CUX2: variants seen among roughly 807,000 people sequenced by gnomAD.
CUX2 encodes cut like homeobox 2.
A neutral mutation model predicts 144.8 loss-of-function variants in CUX2; 40 were observed. That is an observed-to-expected ratio of 0.28 (90% CI 0.21 to 0.36). The LOEUF is 0.36. Ranked by LOEUF, CUX2 falls within the 10% of genes least tolerant of loss-of-function variation. The pLI is 1.00. For synonymous variants in CUX2, 827 were observed against 875.6 expected (o/e 0.94, Z 0.98); for missense variants, 1,615 against 1,994.0 (o/e 0.81, Z 3.62).
chr12:111,277,154 C>A lies in CUX2; in HGVS notation c.301+13315C>A, dbSNP rs888777943. 2.6e-5 allele frequency among the ~76,000 whole-genome samples: 4 copies of A among 152,068 alleles called. No individual in the cohort carries two copies. Among genetic ancestry groups the A allele is most frequent in the African/African-American group, 9.7e-5 (4 of 41,396 alleles). ...GGTTGCTGGAGTTTGAGGGATGAAG[C>A]CCAGAAACTCACATATGGAGGGCCG... is the stretch of plus-strand genomic sequence containing the variant. On this transcript the variant is annotated intron_variant, in intron 4 of 21. Transcript: ENST00000261726. The surrounding 1 kb of genome is among the most constrained non-coding windows in gnomAD (Gnocchi z 5.0).
chr12:111,275,795 C>A (rs1174964585), intron 4 of CUX2, among the ~76,000 whole-genome samples: 1 of 152,194 alleles, frequency 6.6e-6, no homozygotes, highest in Non-Finnish European at 1.5e-5. Flanking sequence ...AAAGCCTCAG[C>A]CAGGTACTGG....
At chr12:111,076,051 A>G (rs532694894) in intron 1 of CUX2, among the ~76,000 whole-genome samples, 66 of 152,366 alleles carry the variant, frequency 4.3e-4, no homozygotes, top group African/African-American at 1.5e-3. Context: ...GAAGTCACAC[A>G]GCTAGTCAGT....
At chr12:111,303,221 GAAAA>G (rs5800927) in intron 9 of CUX2, among the ~76,000 whole-genome samples, 3,507 of 48,972 alleles carry the variant, frequency 0.072, 55 homozygotes, top group African/African-American at 0.093. Context: ...ACCCTGTCTC[GAAAA>G]AAAAAAAAAA....
intron 3 of CUX2, among the ~76,000 whole-genome samples, chr12:111,252,741 G>A (rs1883621898): frequency 6.6e-6 from 1 of 150,944 alleles, no homozygotes; most frequent in South Asian, 2.1e-4. Flanking sequence ...GGAGAAAAAT[G>A]TTAATGTCAT....
intron 14 of CUX2, among the ~76,000 whole-genome samples, chr12:111,308,965 T>C (rs1041102443): frequency 2.6e-4 from 39 of 151,994 alleles, no homozygotes; most frequent in African/African-American, 8.7e-4. Context: ...AGTGCAGTGG[T>C]GTGATCTCGG....
Position 111,338,493 on chromosome 12 carries a change from A to C in CUX2, c.3385+19A>C, listed in dbSNP as rs1042590334. 7 of 1,598,576 alleles carry C rather than the reference A, an allele frequency of 4.4e-6. No homozygotes were observed. In the African/African-American group the frequency reaches 5.4e-5, roughly 12 times the overall value. Reference sequence around the variant, plus strand: ...AAGAAAGGTAAGACTTGGGCAGAGGATGGGCCCCAGCACTGGGTCTCAGAT... The same window carrying C: ...AAGAAAGGTAAGACTTGGGCAGAGGCTGGGCCCCAGCACTGGGTCTCAGAT... On this transcript the variant is annotated intron_variant, in intron 20 of 21. Coordinates refer to ENST00000261726, the MANE Select transcript of CUX2 (RefSeq NM_015267.4).
chr12:111,152,546 C>G (rs1252686115), intron 1 of CUX2, among the ~76,000 whole-genome samples: 1 of 152,132 alleles, frequency 6.6e-6, no homozygotes, highest in Non-Finnish European at 1.5e-5. Flanking sequence ...CAAAATCACC[C>G]ATTTTTAAAG....
chr12:111,209,942 C>T (rs544480194), intron 1 of CUX2, among the ~76,000 whole-genome samples: 12 of 152,078 alleles, frequency 7.9e-5, no homozygotes, highest in Admixed American at 6.5e-4. Flanking sequence ...CGCCGGGCTC[C>T]GGGCTGTCTG....
intron 1 of CUX2, among the ~76,000 whole-genome samples, chr12:111,091,219 T>C (rs1872533147): frequency 6.6e-6 from 1 of 152,222 alleles, no homozygotes; most frequent in Non-Finnish European, 1.5e-5. Context: ...GCGGGCACCA[T>C]GGACTGGATA....
chr12:111,274,775 C>T (rs1255066122), intron 4 of CUX2, among the ~76,000 whole-genome samples: 3 of 152,150 alleles, frequency 2.0e-5, no homozygotes, highest in Non-Finnish European at 2.9e-5. Context: ...GCTTCTGTCT[C>T]GAAGATATTT....
chr12:111,130,019 A>C (rs1875363883), intron 1 of CUX2, among the ~76,000 whole-genome samples: 1 of 152,202 alleles, frequency 6.6e-6, no homozygotes. Flanking sequence ...AATCAATGTC[A>C]GTTCTGAGCC....
chr12:111,327,858 A>G (rs943117185), intron 18 of CUX2, among the ~76,000 whole-genome samples: 8 of 152,090 alleles, frequency 5.3e-5, no homozygotes, highest in Admixed American at 2.0e-4. Flanking sequence ...GGAGTTTGAG[A>G]CCAGCCTGAC....
intron 3 of CUX2, among the ~76,000 whole-genome samples, chr12:111,233,241 A>G (rs1256954333): frequency 1.3e-5 from 2 of 152,130 alleles, no homozygotes; most frequent in Non-Finnish European, 2.9e-5. Flanking sequence ...TGCCAAGCAC[A>G]GCATCATCTT....
At chr12:111,079,580 A>C (rs1871751846) in intron 1 of CUX2, among the ~76,000 whole-genome samples, 1 of 152,134 alleles carries the variant, frequency 6.6e-6, no homozygotes, top group Non-Finnish European at 1.5e-5. Context: ...AGACTTAGTG[A>C]GACCTAGAAG....
chr12:111,054,772 G>A (rs891197315), intron 1 of CUX2, among the ~76,000 whole-genome samples: 2 of 152,046 alleles, frequency 1.3e-5, no homozygotes, highest in South Asian at 2.1e-4. Context: ...GATTACAGGC[G>A]CACACCACCA....
At chr12:111,098,444 C>T (rs879801033) in intron 1 of CUX2, among the ~76,000 whole-genome samples, 1 of 151,700 alleles carries the variant, frequency 6.6e-6, no homozygotes, top group African/African-American at 2.4e-5. Context: ...CAGGGAGGAG[C>T]TGCTGCAGTC....
chr12:111,343,464 G>C (rs757414976), intron 21 of CUX2, among the ~76,000 whole-genome samples: 1 of 152,068 alleles, frequency 6.6e-6, no homozygotes, highest in Non-Finnish European at 1.5e-5. Context: ...AAAGTCTCTG[G>C]TGCCCACATG....
intron 1 of CUX2, among the ~76,000 whole-genome samples, chr12:111,120,348 TA>T (rs1185193035): frequency 6.6e-6 from 1 of 152,106 alleles, no homozygotes; most frequent in Non-Finnish European, 1.5e-5. Flanking sequence ...ATAAGACTTC[TA>T]GGGGGATCAC....
chr12:111,090,359 G>T (rs1433835417), intron 1 of CUX2, among the ~76,000 whole-genome samples: 2 of 152,082 alleles, frequency 1.3e-5, no homozygotes, highest in African/African-American at 4.8e-5. Flanking sequence ...CGCCTCCTGG[G>T]TTCAAGCGAT....
Sources: allele counts gnomAD v4.1 joint callset (sites outside exome capture counted in the v4.1 genomes callset), GRCh38; gene constraint gnomAD v4.1.1; non-coding constraint Gnocchi (gnomAD v3.1); transcripts MANE v1.5; gene names NCBI Gene and HGNC (gene_info 2026-07-23, HGNC 2026-07-21).